Variants in AGBL1 observed in about 807,000 individuals in gnomAD.
The protein encoded by AGBL1 is cytosolic carboxypeptidase 4.
In AGBL1, 130 loss-of-function variants were observed where a neutral mutation model predicts 118.9. That is an observed-to-expected ratio of 1.09 (90% CI 0.95 to 1.26). AGBL1 has a LOEUF of 1.26. Ranked by LOEUF, AGBL1 falls within the 50% of genes most tolerant of loss-of-function variation. The pLI is 0.00. For synonymous variants in AGBL1, 555 were observed against 478.9 expected, an observed-to-expected ratio of 1.16 and a Z score of -2.08; for missense variants, 1,584 against 1,298.1, an observed-to-expected ratio of 1.22 and a Z score of -3.38.
chr15:86,765,163 A>C (rs1034428741), intron 22 of AGBL1, among the ~76,000 whole-genome samples: 2 of 151,978 alleles, frequency 1.3e-5, no homozygotes, highest in Non-Finnish European at 2.9e-5. Context: ...GATGATACAG[A>C]CCCGGAAGCA....
intron 1 of AGBL1, among the ~76,000 whole-genome samples, chr15:86,123,816 A>G (rs181754139): frequency 1.5e-3 from 227 of 152,308 alleles, no homozygotes; most frequent in South Asian, 5.0e-3. Flanking sequence ...GTCATGGGCC[A>G]CTGTTCACTT....
At chr15:86,426,801 C>T (rs1048824961) in intron 18 of AGBL1, among the ~76,000 whole-genome samples, 1 of 152,224 alleles carries the variant, frequency 6.6e-6, no homozygotes. Context: ...GAGTCTCACT[C>T]TGTCACCCAG....
At chr15:86,573,895 T>C (rs896744191) in intron 21 of AGBL1, among the ~76,000 whole-genome samples, 2 of 152,234 alleles carry the variant, frequency 1.3e-5, no homozygotes, top group African/African-American at 4.8e-5. Context: ...TCTGGCTATC[T>C]ACCCCCAAGT....
At chr15:86,138,831 A>G (rs1401528150) in intron 1 of AGBL1, among the ~76,000 whole-genome samples, 1 of 152,192 alleles carries the variant, frequency 6.6e-6, no homozygotes, top group Non-Finnish European at 1.5e-5. Flanking sequence ...CTCTTCATAG[A>G]AAGATGAGCT....
chr15:86,471,128 T>C (rs2142102159), intron 18 of AGBL1, among the ~76,000 whole-genome samples: 2 of 152,308 alleles, frequency 1.3e-5, no homozygotes, highest in East Asian at 3.9e-4. Flanking sequence ...TCTTTCACTT[T>C]TTTACCACTG....
chr15:86,402,149 T>G (rs1041326312), intron 18 of AGBL1, among the ~76,000 whole-genome samples: 4 of 152,166 alleles, frequency 2.6e-5, no homozygotes, highest in Non-Finnish European at 5.9e-5. Context: ...GTTTTCCTAG[T>G]AGAGATATTT....
At position 86,613,647 on chromosome 15, in the gene AGBL1, C is replaced by T. The variant is rs768198303; in HGVS notation, c.2994+59110C>T. ...TACCAGCTACCTAAAGAAGGCATGA[C>T]GTTTCCCAGAAAGAGGGCATTTTCT... On this transcript the variant is annotated intron_variant, in intron 21 of 22. Coordinates refer to ENST00000614907, the MANE Select transcript of AGBL1 (RefSeq NM_001386094.1). The surrounding 1 kb of genome is among the most constrained non-coding windows in gnomAD (Gnocchi z 4.2). Among the ~76,000 whole-genome samples, 9 of 152,286 alleles carry T rather than the reference C, an allele frequency of 5.9e-5. No individual in the cohort carries two copies. The highest frequency in any genetic ancestry group is 2.1e-4 in the South Asian group (1 of 4,820).
chr15:86,360,367 G>A (rs979738146), intron 17 of AGBL1, among the ~76,000 whole-genome samples: 1 of 139,058 alleles, frequency 7.2e-6, no homozygotes, highest in Non-Finnish European at 1.5e-5. Context: ...ATTGAGTTGT[G>A]TATGTTGAAC....
At chr15:86,200,627 T>C (rs2077892116) in intron 5 of AGBL1, among the ~76,000 whole-genome samples, 1 of 150,630 alleles carries the variant, frequency 6.6e-6, no homozygotes. Context: ...TTTTTCTTTT[T>C]TTTTTTGAGA....
chr15:86,768,949 T>G (rs769910495), intron 22 of AGBL1, among the ~76,000 whole-genome samples: 3 of 151,924 alleles, frequency 2.0e-5, no homozygotes, highest in Non-Finnish European at 4.4e-5. Context: ...CTGTAAAGGG[T>G]GTGAGGTTTT....
intron 5 of AGBL1, among the ~76,000 whole-genome samples, chr15:86,200,552 C>G (rs1281105159): frequency 0.018 from 965 of 52,536 alleles, 21 homozygotes; most frequent in African/African-American, 0.097. Context: ...AGACCCCTAC[C>G]CCCCCCCCCC....
Position 86,168,225 on chromosome 15 carries a change from T to TG in AGBL1, c.488+9206dup, listed in dbSNP as rs1271624113. On this transcript the variant is annotated intron_variant, in intron 5 of 22. Coordinates refer to ENST00000614907, the MANE Select transcript of AGBL1 (RefSeq NM_001386094.1). ...TAAACAAATAAGATTAATGTGATCATGGGGGGGATATTTAAGAGGGAGGGT... is the reference window on the plus strand; with the variant it reads ...TAAACAAATAAGATTAATGTGATCATGGGGGGGGATATTTAAGAGGGAGGGT... Among the ~76,000 whole-genome samples, 10 of 152,104 alleles carry TG rather than the reference T, an allele frequency of 6.6e-5. No individual in the cohort carries two copies. The South Asian group carries it at 1.5e-3, about 22-fold the overall frequency.
intron 1 of AGBL1, among the ~76,000 whole-genome samples, chr15:86,125,062 A>G (rs1769687429): frequency 6.6e-6 from 1 of 152,154 alleles, no homozygotes; most frequent in Admixed American, 6.5e-5. Context: ...TGTCTAGCCA[A>G]CCCACATCCA....
chr15:86,223,842 C>T (rs1424577221), intron 5 of AGBL1, among the ~76,000 whole-genome samples: 2 of 152,182 alleles, frequency 1.3e-5, no homozygotes, highest in Non-Finnish European at 2.9e-5. Context: ...TTCCTTTTTA[C>T]TGCTGGCTCT....
intron 18 of AGBL1, among the ~76,000 whole-genome samples, chr15:86,514,906 T>C (rs1216697899): frequency 6.6e-6 from 1 of 152,236 alleles, no homozygotes; most frequent in African/African-American, 2.4e-5. Flanking sequence ...CATTCAACTT[T>C]ATCATTTAAC....
chr15:86,555,807 G>T (rs1310328201), intron 21 of AGBL1, among the ~76,000 whole-genome samples: 2 of 151,968 alleles, frequency 1.3e-5, no homozygotes, highest in African/African-American at 4.8e-5. Context: ...ACCGTACAAG[G>T]TTTTGTAGGG....
intron 18 of AGBL1, among the ~76,000 whole-genome samples, chr15:86,519,928 C>A (rs1265108833): frequency 6.6e-6 from 1 of 152,196 alleles, no homozygotes; most frequent in Non-Finnish European, 1.5e-5. Context: ...AAATTTCAAT[C>A]AGCAATTTCT....
Position 86,792,024 on chromosome 15 carries a change from C to G in AGBL1, c.3159-115063C>G, listed in dbSNP as rs1362251043. Among the ~76,000 whole-genome samples, 3 of 152,330 alleles carry G rather than the reference C, an allele frequency of 2.0e-5. No individual in the cohort carries two copies. The East Asian group carries it at 5.8e-4, about 29-fold the overall frequency. ...GCTCTGGGATTACAGGCATGAGCCACTGCACCGGCCTGTTTTATGTAGTTT... is the reference window on the plus strand; with the variant it reads ...GCTCTGGGATTACAGGCATGAGCCAGTGCACCGGCCTGTTTTATGTAGTTT... On this transcript the variant is annotated intron_variant, in intron 22 of 22. Coordinates refer to ENST00000614907, the MANE Select transcript of AGBL1 (RefSeq NM_001386094.1).
chr15:86,786,436 C>T (rs562917253), intron 22 of AGBL1, among the ~76,000 whole-genome samples: 1 of 151,756 alleles, frequency 6.6e-6, no homozygotes, highest in African/African-American at 2.4e-5. Flanking sequence ...ATATTGGGTA[C>T]AATTAATTTT....
Sources: gnomAD v4.1 joint callset for allele counts (sites outside exome capture counted in the v4.1 genomes callset) on GRCh38, gnomAD v4.1.1 for gene constraint, Gnocchi (gnomAD v3.1) non-coding constraint, MANE v1.5 for transcripts, NCBI Gene and HGNC (gene_info 2026-07-23, HGNC 2026-07-21) for gene names.